CCDC171: variants seen among roughly 807,000 people sequenced by gnomAD.
The protein encoded by CCDC171 is coiled-coil domain-containing protein 171.
In CCDC171, 177 loss-of-function variants were observed where a neutral mutation model predicts 168.2. The observed-to-expected ratio is 1.05, with a 90% CI of 0.93 to 1.19. The LOEUF (loss-of-function observed/expected upper bound fraction) is 1.19, where lower values mean the gene tolerates loss of function less well. CCDC171 is among the 50% of genes most tolerant of loss of function. The pLI, the probability that CCDC171 is intolerant of heterozygous loss-of-function variation, is 0.00. For missense variants in CCDC171, 1,991 were observed against 1,539.0 expected (o/e 1.29, Z -4.91); for synonymous variants, 687 against 540.8 (o/e 1.27, Z -3.75).
chr9:15,845,253 A>G (rs930163659), intron 21 of CCDC171, among the ~76,000 whole-genome samples: 2 of 152,086 alleles, frequency 1.3e-5, no homozygotes, highest in Non-Finnish European at 2.9e-5. Flanking sequence ...CCATCTTTTT[A>G]AAGTTGGTTT....
chr9:15,553,840 T>A (rs1220668036), intron 1 of CCDC171, among the ~76,000 whole-genome samples: 4 of 152,178 alleles, frequency 2.6e-5, no homozygotes, highest in Non-Finnish European at 5.9e-5. Context: ...TTTTTGAATT[T>A]TTTTATTCCA....
At chr9:15,602,647 C>CTTTTTTTTTTTTTTTTTTTTTTTTTTTTT (rs1161286304) in intron 6 of CCDC171, among the ~76,000 whole-genome samples, 2 of 30,466 alleles carry the variant, frequency 6.6e-5, no homozygotes, top group African/African-American at 1.2e-4. Flanking sequence ...TTTTTTTTTT[C>CTTTTTTTTTTTTTTTTTTTTTTTTTTTTT]TTTTTTTTTT....
intron 2 of CCDC171, among the ~76,000 whole-genome samples, chr9:15,568,521 T>C (rs200182148): frequency 2.0e-5 from 3 of 152,188 alleles, no homozygotes; most frequent in Admixed American, 6.5e-5. Flanking sequence ...CCACCCGCCT[T>C]GGCCTCCCAA....
chr9:15,666,107 A>T, intron 8 of CCDC171, 56 bp from the exon 9 acceptor site: 1 of 1,477,836 alleles, frequency 6.8e-7, no homozygotes, highest in Non-Finnish European at 9.4e-7. Context: ...TACTCAATTT[A>T]AGATTGATGC....
chr9:15,587,634 A>T (rs1215584263), intron 4 of CCDC171: 1 of 456,612 alleles, frequency 2.2e-6, no homozygotes, highest in African/African-American at 2.0e-5. Context: ...AGCCATCCAG[A>T]TCCTTCTCCA....
intron 25 of CCDC171, among the ~76,000 whole-genome samples, chr9:15,921,936 A>G (rs1015223641): frequency 2.6e-5 from 4 of 151,638 alleles, no homozygotes; most frequent in Admixed American, 2.0e-4. Context: ...GAAAACAATT[A>G]CTTGTATTTT....
At chr9:16,068,915 A>G in the CCDC171 span, among the ~76,000 whole-genome samples, 2 of 152,310 alleles carry the variant, frequency 1.3e-5, no homozygotes, top group East Asian at 1.9e-4. Context: ...TCAGCATGCC[A>G]TGGTGAGCAT....
intron 5 of CCDC171, 44 bp from the exon 6 acceptor site, chr9:15,593,997 C>T: frequency 1.4e-6 from 2 of 1,393,090 alleles, no homozygotes; most frequent in Non-Finnish European, 2.0e-6. Flanking sequence ...AGGAAGATAA[C>T]TTTTATTGAT....
intron 24 of CCDC171, among the ~76,000 whole-genome samples, chr9:15,893,435 G>A (rs541048077): frequency 6.6e-6 from 1 of 152,244 alleles, no homozygotes; most frequent in Admixed American, 6.5e-5. Context: ...TTGACAAATG[G>A]TATCTAATTA....
At chr9:15,667,694 G>T (rs2048830429) in intron 9 of CCDC171, among the ~76,000 whole-genome samples, 1 of 152,166 alleles carries the variant, frequency 6.6e-6, no homozygotes, top group African/African-American at 2.4e-5. Context: ...GTTAACTTAA[G>T]TGAAAGTGTG....
intron 7 of CCDC171, among the ~76,000 whole-genome samples, chr9:15,631,074 G>T (rs927984962): frequency 1.3e-5 from 2 of 152,038 alleles, no homozygotes; most frequent in Non-Finnish European, 2.9e-5. Flanking sequence ...AAGCCGGAAA[G>T]ATCCAAAATT....
At chr9:16,099,063 A>T in the CCDC171 span, among the ~76,000 whole-genome samples, 2 of 152,222 alleles carry the variant, frequency 1.3e-5, no homozygotes, top group African/African-American at 2.4e-5. Flanking sequence ...AAACTGGTCA[A>T]TATCAAATCC....
chr9:15,603,839 C>T (rs959793639), intron 6 of CCDC171, among the ~76,000 whole-genome samples: 2 of 152,224 alleles, frequency 1.3e-5, no homozygotes, highest in Admixed American at 6.5e-5. Flanking sequence ...CTGTCTTCCA[C>T]AATGGTTGAA....
At chr9:16,065,089 T>C (rs1833977013), downstream of CCDC171, among the ~76,000 whole-genome samples, 1 of 152,200 alleles carries the variant, frequency 6.6e-6, no homozygotes, top group South Asian at 2.1e-4. Context: ...AGGCTGCCTC[T>C]ACCTTGTAAA....
At chr9:15,994,612 A>G (rs1305616711) in intron 3 of CCDC171, among the ~76,000 whole-genome samples, 1 of 152,190 alleles carries the variant, frequency 6.6e-6, no homozygotes, top group African/African-American at 2.4e-5. Flanking sequence ...TAGATTTTAT[A>G]AATGGACACA....
At chr9:16,021,793 CT>C (rs1173379156) in intron 4 of CCDC171, among the ~76,000 whole-genome samples, 1 of 152,218 alleles carries the variant, frequency 6.6e-6, no homozygotes, top group African/African-American at 2.4e-5. Flanking sequence ...CGATGTCCCC[CT>C]ATCTCTGTAC....
intron 7 of CCDC171, among the ~76,000 whole-genome samples, chr9:15,655,826 A>G (rs1564149225): frequency 6.6e-6 from 1 of 152,344 alleles, no homozygotes; most frequent in East Asian, 1.9e-4. Flanking sequence ...GTCATTAGTC[A>G]TTGGGGCAAT....
At chr9:16,034,791 T>C (rs1044163575) in intron 6 of CCDC171, among the ~76,000 whole-genome samples, 2 of 152,148 alleles carry the variant, frequency 1.3e-5, no homozygotes, top group Non-Finnish European at 2.9e-5. Context: ...TACAATCATG[T>C]TTTTTGTGCT....
rs2044750791 is a variant in CCDC171, at chr9:15,623,528, A to C, written c.822+115A>C. On this transcript the variant is annotated intron_variant, in intron 7 of 25. Transcript: ENST00000380701. ...ACACATAAAACCCATTCCGTGATTT[A>C]AGATTGGAGAGTTTTACTCTGTGAT... 5.5e-6 allele frequency: 3 copies of C among 540,830 alleles called. No homozygotes were observed. In the South Asian group the frequency reaches 1.7e-4, roughly 30 times the overall value. 33.5% of individuals were successfully genotyped at this position (540,830 alleles called of 1,614,324 possible).
Sources: allele counts gnomAD v4.1 joint callset (sites outside exome capture counted in the v4.1 genomes callset), GRCh38; gene constraint gnomAD v4.1.1; transcripts MANE v1.5; gene names NCBI Gene and HGNC (gene_info 2026-07-23, HGNC 2026-07-21).